EVC: variants seen among roughly 807,000 people sequenced by gnomAD.
The protein encoded by EVC is EvC ciliary complex subunit 1.
EVC carries 116 observed loss-of-function variants against 118.9 expected under a neutral mutation model. That is an observed-to-expected ratio of 0.98 (90% CI 0.84 to 1.14). The LOEUF (loss-of-function observed/expected upper bound fraction) is 1.14, where lower values mean the gene tolerates loss of function less well. Among genes scored for constraint, EVC ranks in the 50% most tolerant of loss-of-function variants. The pLI is 0.00. For missense variants in EVC, 1,401 were observed against 1,246.4 expected (o/e 1.12, Z -1.87); for synonymous variants, 619 against 534.7 (o/e 1.16, Z -2.18).
intron 4 of EVC, among the ~76,000 whole-genome samples, chr4:5,732,551 G>A (rs947065922): frequency 2.0e-5 from 3 of 152,250 alleles, no homozygotes; most frequent in Non-Finnish European, 2.9e-5. Context: ...GGGAAAAAAG[G>A]TCAAAGACTT....
the EVC span, chr4:5,824,364 A>G: frequency 1.0e-6 from 1 of 985,420 alleles, no homozygotes; most frequent in African/African-American, 1.7e-5. Flanking sequence ...AGTCTTATGG[A>G]GAGTGAGATG....
chr4:5,759,200 G>A (rs1257646516), intron 11 of EVC, among the ~76,000 whole-genome samples: 3 of 152,098 alleles, frequency 2.0e-5, no homozygotes, highest in Admixed American at 6.5e-5. Context: ...TGGCGCAGAG[G>A]GTCAGTCTGA....
chr4:5,747,569 G>A (rs1233657844), intron 7 of EVC, among the ~76,000 whole-genome samples: 1 of 152,208 alleles, frequency 6.6e-6, no homozygotes, highest in Non-Finnish European at 1.5e-5. Context: ...TTAGAGCTCT[G>A]ACTGGCTGTG....
chr4:5,748,820 T>A (rs1729903036), intron 8 of EVC, among the ~76,000 whole-genome samples: 1 of 151,714 alleles, frequency 6.6e-6, no homozygotes. Flanking sequence ...ATCCAATGAG[T>A]GAAGGCTCTG....
At position 5,731,744 on chromosome 4, in the gene EVC, G is replaced by A; in HGVS notation, c.617+87G>A. On this transcript the variant is annotated intron_variant, in intron 4 of 20. Transcript: ENST00000264956. This position sits in a 1 kb window ranked among gnomAD's most constrained non-coding sequence, Gnocchi z 5.6. Reference sequence around the variant, plus strand: ...CATCATTGTCAGAGGAGGAAACAGAGGCCCAGAGAGGTTCAGTGACTCTGC... The same window carrying A: ...CATCATTGTCAGAGGAGGAAACAGAAGCCCAGAGAGGTTCAGTGACTCTGC... 3 of 1,303,860 alleles carry A rather than the reference G, an allele frequency of 2.3e-6. No homozygotes were observed. Among genetic ancestry groups the A allele is most frequent in the Non-Finnish European group, 3.3e-6 (3 of 921,822 alleles). The allele number at this position is 1,303,860 out of a possible 1,614,324, so 80.8% of individuals were successfully genotyped here.
intron 15 of EVC, among the ~76,000 whole-genome samples, chr4:5,800,336 C>T (rs948036872): frequency 4.6e-5 from 7 of 152,174 alleles, no homozygotes; most frequent in Non-Finnish European, 8.8e-5. Flanking sequence ...CATAGCTAGA[C>T]TCTGTCTAAA....
At chr4:5,734,178 G>T (rs1020463495) in intron 5 of EVC, among the ~76,000 whole-genome samples, 2 of 152,054 alleles carry the variant, frequency 1.3e-5, no homozygotes, top group African/African-American at 4.8e-5. Flanking sequence ...GATGACGGGG[G>T]TTAAAAAAAA....
rs1453801499 is a variant in EVC, at chr4:5,755,648, T to G, written c.1465-616T>G. ...GGAGTCCTTCCTTGTCCTTAGAGAC[T>G]CCATTGAAACATCTCCCCAACAGGG... On this transcript the variant is annotated intron_variant, in intron 10 of 20. Coordinates refer to ENST00000264956, the MANE Select transcript of EVC (RefSeq NM_153717.3). The surrounding 1 kb of genome is among the most constrained non-coding windows in gnomAD (Gnocchi z 4.1). 6.6e-6 allele frequency among the ~76,000 whole-genome samples: 1 copy of G among 152,134 alleles called. No individual in the cohort carries two copies. Among genetic ancestry groups the G allele is most frequent in the Non-Finnish European group, 1.5e-5 (1 of 68,008 alleles).
chr4:5,721,330 A>G (rs994875639), intron 2 of EVC, among the ~76,000 whole-genome samples: 8 of 152,106 alleles, frequency 5.3e-5, no homozygotes, highest in African/African-American at 1.9e-4. Context: ...TGGCCATAAA[A>G]TAAAATGAAG....
chr4:5,741,693 T>C, intron 5 of EVC, 23 bp from the exon 6 acceptor site: 1 of 1,422,140 alleles, frequency 7.0e-7, no homozygotes. Context: ...TTTCTTTTGT[T>C]ATCTTTCCTT....
Position 5,756,865 on chromosome 4 carries a change from C to A in EVC, c.1563+503C>A, listed in dbSNP as rs1731261145. Among the ~76,000 whole-genome samples, 1 of 152,182 alleles carries A rather than the reference C, an allele frequency of 6.6e-6. No individual in the cohort carries two copies. Among genetic ancestry groups the A allele is most frequent in the African/African-American group, 2.4e-5 (1 of 41,466 alleles). On this transcript the variant is annotated intron_variant, in intron 11 of 20. Transcript: ENST00000264956. The surrounding 1 kb of genome is among the most constrained non-coding windows in gnomAD (Gnocchi z 4.2). ...GAGCAGGAGAGGGCACCTGAGCCCT[C>A]TTTAGGGGCAGGAGTCACAGGATGC...
intron 17 of EVC, among the ~76,000 whole-genome samples, chr4:5,807,307 TG>T (rs756796601): frequency 2.0e-5 from 3 of 151,878 alleles, no homozygotes; most frequent in Non-Finnish European, 4.4e-5. Context: ...TCTTGTAGGG[TG>T]CACAGGAATT....
chr4:5,733,762 A>G lies in EVC; in HGVS notation c.702+327A>G, dbSNP rs115349078. On this transcript the variant is annotated intron_variant, in intron 5 of 20. Transcript: ENST00000264956. ...AGAACAATATGTTTAAAGGAATGAT[A>G]ATAATGATAAGAATATTTATGAGCA... Among the ~76,000 whole-genome samples, 425 of 152,316 alleles carry G rather than the reference A, an allele frequency of 2.8e-3. 3 individuals carry two copies. The highest frequency in any genetic ancestry group is 9.5e-3 in the African/African-American group (394 of 41,566).
chr4:5,794,535 C>G (rs912823272), intron 13 of EVC, among the ~76,000 whole-genome samples: 5 of 151,096 alleles, frequency 3.3e-5, no homozygotes, highest in African/African-American at 1.2e-4. Context: ...TTCAGCCTCC[C>G]GAGTAGCTGG....
At chr4:5,790,056 C>T (rs1316735772) in intron 12 of EVC, among the ~76,000 whole-genome samples, 3 of 151,696 alleles carry the variant, frequency 2.0e-5, no homozygotes, top group Admixed American at 6.6e-5. Flanking sequence ...TGACATGCAC[C>T]AGTAATCCCA....
downstream of EVC, among the ~76,000 whole-genome samples, chr4:5,814,871 G>GC (rs1041766085): frequency 1.3e-5 from 2 of 151,970 alleles, no homozygotes; most frequent in Non-Finnish European, 2.9e-5. Context: ...CAACATCAGG[G>GC]CCCCCCTTAG....
At chr4:5,792,178 C>A (rs1444521002) in intron 12 of EVC, among the ~76,000 whole-genome samples, 1 of 152,146 alleles carries the variant, frequency 6.6e-6, no homozygotes, top group Non-Finnish European at 1.5e-5. Flanking sequence ...GGAAATAAGT[C>A]CAAGCATCCC....
At chr4:5,721,295 T>C (rs191183119) in intron 2 of EVC, among the ~76,000 whole-genome samples, 165 of 152,256 alleles carry the variant, frequency 1.1e-3, no homozygotes, top group Non-Finnish European at 2.2e-3. Context: ...TAAAATGTGA[T>C]ATATGCAGAC....
the EVC span, chr4:5,826,645 G>A: frequency 6.6e-6 from 1 of 152,280 alleles, no homozygotes; most frequent in Non-Finnish European, 1.5e-5. Context: ...AAGGTTGGGA[G>A]GGCACCTGCT....
Sources: allele counts gnomAD v4.1 joint callset (sites outside exome capture counted in the v4.1 genomes callset), GRCh38; gene constraint gnomAD v4.1.1; non-coding constraint Gnocchi (gnomAD v3.1); transcripts MANE v1.5; gene names NCBI Gene and HGNC (gene_info 2026-07-23, HGNC 2026-07-21).